Variants in GPC6 observed in about 807,000 individuals in gnomAD.
GPC6 encodes the protein glypican-6.
GPC6 carries 14 observed loss-of-function variants against 55.2 expected under a neutral mutation model. The ratio of observed to expected loss-of-function variants is 0.25; its 90% CI spans 0.17 to 0.40. The LOEUF (loss-of-function observed/expected upper bound fraction) is 0.40, where lower values mean the gene tolerates loss of function less well. GPC6 is among the 10% of genes least tolerant of loss of function. The pLI, the probability that GPC6 is intolerant of heterozygous loss-of-function variation, is 1.00. For synonymous variants in GPC6, 278 were observed against 259.6 expected, an observed-to-expected ratio of 1.07 and a Z score of -0.68; for missense variants, 641 against 708.5, an observed-to-expected ratio of 0.90 and a Z score of 1.08.
chr13:93,384,242 A>C (rs1261353453), intron 1 of GPC6, among the ~76,000 whole-genome samples: 1 of 152,178 alleles, frequency 6.6e-6, no homozygotes, highest in Non-Finnish European at 1.5e-5. Flanking sequence ...AAGTGGCTAC[A>C]TCCTGCTTTA....
chr13:93,850,286 C>G (rs929638172), intron 3 of GPC6, among the ~76,000 whole-genome samples: 1 of 151,860 alleles, frequency 6.6e-6, no homozygotes, highest in African/African-American at 2.4e-5. Flanking sequence ...TAACACCTAG[C>G]CCAGCCTTAG....
At chr13:93,518,645 C>T (rs1484429570) in intron 1 of GPC6, among the ~76,000 whole-genome samples, 4 of 151,980 alleles carry the variant, frequency 2.6e-5, no homozygotes, top group Non-Finnish European at 4.4e-5. Flanking sequence ...GAAGATAACA[C>T]TTGCTTTGGG....
chr13:93,979,911 A>T (rs9584175), intron 3 of GPC6, among the ~76,000 whole-genome samples: 6 of 152,112 alleles, frequency 3.9e-5, no homozygotes, highest in African/African-American at 7.2e-5. Context: ...AAGCACTCTT[A>T]TAAACTATAA....
rs144949020 is a variant in GPC6, at chr13:93,381,561, G to T, written c.160+153945G>T. On this transcript the variant is annotated intron_variant, in intron 1 of 8. Coordinates refer to ENST00000377047, the MANE Select transcript of GPC6 (RefSeq NM_005708.5). The stretch of plus-strand genomic sequence containing the variant: ...ATTGCTTTAGTTACAGGAGCTTGTG[G>T]GCAACATGTCTCACTGAGGCATTTA... 2.0e-5 allele frequency among the ~76,000 whole-genome samples: 3 copies of T among 152,180 alleles called. No homozygotes were observed. The East Asian group carries it at 5.8e-4, about 29-fold the overall frequency.
chr13:94,237,746 G>A (rs939200600), intron 4 of GPC6, among the ~76,000 whole-genome samples: 10 of 152,132 alleles, frequency 6.6e-5, no homozygotes, highest in Admixed American at 6.6e-4. Flanking sequence ...GGGCTGGATC[G>A]TGCAGGGTTT....
At chr13:93,953,776 C>G (rs918498299) in intron 3 of GPC6, among the ~76,000 whole-genome samples, 1 of 152,074 alleles carries the variant, frequency 6.6e-6, no homozygotes, top group Admixed American at 6.6e-5. Flanking sequence ...TGTTATCTTC[C>G]CCTTGCACTC....
intron 1 of GPC6, among the ~76,000 whole-genome samples, chr13:93,452,593 G>A (rs1041731595): frequency 1.3e-5 from 2 of 152,264 alleles, no homozygotes; most frequent in East Asian, 1.9e-4. Flanking sequence ...TATACAACTT[G>A]TCTTTTTGTT....
chr13:93,914,186 AG>A (rs1200518470), intron 3 of GPC6, among the ~76,000 whole-genome samples: 1 of 152,096 alleles, frequency 6.6e-6, no homozygotes, highest in Admixed American at 6.5e-5. Context: ...ATTTAACATT[AG>A]GTATATCTCC....
At position 93,965,637 on chromosome 13, in the gene GPC6, A is replaced by G. The variant is rs138397414; in HGVS notation, c.712-62092A>G. Reference sequence around the variant, plus strand: ...TGGTCACCAAGAGGTAAACTGAACTAGCCTGCTGGAGAGGCCAGTGGAGAA... The same window carrying G: ...TGGTCACCAAGAGGTAAACTGAACTGGCCTGCTGGAGAGGCCAGTGGAGAA... On this transcript the variant is annotated intron_variant, in intron 3 of 8. Transcript: ENST00000377047. Among the ~76,000 whole-genome samples, 1,364 of 152,146 alleles carry G rather than the reference A, an allele frequency of 9.0e-3. 16 individuals are homozygous for G. Among genetic ancestry groups the G allele is most frequent in the Middle Eastern group, 0.02 (6 of 294 alleles).
chr13:94,019,207 G>A (rs534685172), intron 3 of GPC6, among the ~76,000 whole-genome samples: 2 of 152,200 alleles, frequency 1.3e-5, no homozygotes, highest in South Asian at 2.1e-4. Flanking sequence ...TTCTTTGTCC[G>A]GAGGTGTTTT....
chr13:93,835,696 G>A (rs1887706201), intron 3 of GPC6, among the ~76,000 whole-genome samples: 1 of 152,098 alleles, frequency 6.6e-6, no homozygotes, highest in Non-Finnish European at 1.5e-5. Context: ...AGGTTGCAGT[G>A]AGCCAAGATC....
chr13:94,278,165 T>G (rs1892268831), intron 4 of GPC6, among the ~76,000 whole-genome samples: 1 of 152,218 alleles, frequency 6.6e-6, no homozygotes, highest in Non-Finnish European at 1.5e-5. Flanking sequence ...CCTTGTTAGT[T>G]GTATTCCTAA....
At chr13:93,748,564 G>A (rs1050494321) in intron 2 of GPC6, among the ~76,000 whole-genome samples, 4 of 151,806 alleles carry the variant, frequency 2.6e-5, no homozygotes, top group African/African-American at 4.8e-5. Flanking sequence ...GAATTTTGCC[G>A]TTTATGGCTT....
At position 93,858,532 on chromosome 13, in the gene GPC6, C is replaced by A. The variant is rs77003355; in HGVS notation, c.711+27987C>A. Among the ~76,000 whole-genome samples, 112 of 151,570 alleles carry A rather than the reference C, an allele frequency of 7.4e-4. 1 individual carries two copies. In the East Asian group the frequency reaches 0.022, roughly 29 times the overall value. On this transcript the variant is annotated intron_variant, in intron 3 of 8. Transcript: ENST00000377047. ...AGTAGAGATCCAAGAACTCCAGCTT[C>A]AGAAATCTCAAAGAAATGGACAAAT...
At chr13:93,506,114 A>G (rs1185259532) in intron 1 of GPC6, among the ~76,000 whole-genome samples, 1 of 152,028 alleles carries the variant, frequency 6.6e-6, no homozygotes, top group Non-Finnish European at 1.5e-5. Flanking sequence ...AAAGTTGTTT[A>G]TTGGGTCTGG....
chr13:93,281,695 T>C (rs2139068060), intron 1 of GPC6, among the ~76,000 whole-genome samples: 1 of 152,270 alleles, frequency 6.6e-6, no homozygotes, highest in South Asian at 2.1e-4. Context: ...TGGGCACCTA[T>C]AATCCCAGCT....
rs140503970 is a variant in GPC6 at position 93,384,395 on chromosome 13, T to TA, written c.160+156779_160+156780insA. ...TCAACCTGAAAACCGTTTTTTTTTT[T>TA]TAAAAAAAAGGCAAAACAAATTAAT... On this transcript the variant is annotated intron_variant, in intron 1 of 8. Transcript: ENST00000377047. Among the ~76,000 whole-genome samples the TA allele has an allele frequency of 9.7e-3, 1,476 of 151,566 alleles. 19 individuals are homozygous for TA. The highest frequency in any genetic ancestry group is 0.033 in the African/African-American group (1,359 of 41,192).
At chr13:93,799,204 G>A (rs34055039) in intron 2 of GPC6, among the ~76,000 whole-genome samples, 37 of 152,022 alleles carry the variant, frequency 2.4e-4, no homozygotes, top group African/African-American at 8.5e-4. Context: ...AAGTTTAGTA[G>A]GTTTATAGTC....
chr13:93,783,709 G>C (rs1446911711), intron 2 of GPC6, among the ~76,000 whole-genome samples: 2 of 151,930 alleles, frequency 1.3e-5, no homozygotes, highest in East Asian at 1.9e-4. Context: ...ACCTATACTG[G>C]AACCCCCATC....
Sources: allele counts gnomAD v4.1 joint callset (sites outside exome capture counted in the v4.1 genomes callset), GRCh38; gene constraint gnomAD v4.1.1; transcripts MANE v1.5; gene names NCBI Gene and HGNC (gene_info 2026-07-23, HGNC 2026-07-21).